Variants in GRIP1 observed in about 807,000 individuals in gnomAD.
The protein encoded by GRIP1 is glutamate receptor interacting protein 1.
Under a neutral mutation model 129.9 loss-of-function variants are expected in GRIP1, and 45 were observed. That is an observed-to-expected ratio of 0.35 (90% CI 0.27 to 0.44). The LOEUF (loss-of-function observed/expected upper bound fraction) is 0.44, where lower values mean the gene tolerates loss of function less well. GRIP1 is among the 20% of genes least tolerant of loss of function. The pLI is 1.00. For missense variants in GRIP1, 1,196 were observed against 1,396.8 expected (o/e 0.86, Z 2.29); for synonymous variants, 530 against 520.8 (o/e 1.02, Z -0.24).
At chr12:66,736,197 G>C (rs937893589) in intron 1 of GRIP1, among the ~76,000 whole-genome samples, 1 of 151,838 alleles carries the variant, frequency 6.6e-6, no homozygotes, top group African/African-American at 2.4e-5. Context: ...ACAGGGTCTT[G>C]CTCTGTTGCC....
At chr12:66,569,593 T>C (rs12313212) in intron 2 of GRIP1, among the ~76,000 whole-genome samples, 2,751 of 152,168 alleles carry the variant, frequency 0.018, 79 homozygotes, top group African/African-American at 0.063. Context: ...TCTGAGCCCA[T>C]AGCCTGGCCC....
upstream of GRIP1, among the ~76,000 whole-genome samples, chr12:66,805,398 T>C (rs937159908): frequency 1.3e-5 from 2 of 152,178 alleles, no homozygotes; most frequent in African/African-American, 4.8e-5. Flanking sequence ...TTTTTCTCTA[T>C]AGCTTCTTTC....
At chr12:66,617,609 G>A (rs2065097952) in intron 1 of GRIP1, among the ~76,000 whole-genome samples, 1 of 152,002 alleles carries the variant, frequency 6.6e-6, no homozygotes, top group Admixed American at 6.6e-5. Flanking sequence ...TGGCCACAGA[G>A]AGACTGGCTT....
chr12:66,695,256 A>G (rs2035116244), intron 1 of GRIP1, among the ~76,000 whole-genome samples: 1 of 147,880 alleles, frequency 6.8e-6, no homozygotes, highest in Non-Finnish European at 1.5e-5. Flanking sequence ...CTGCTGACCC[A>G]GCATGCAATC....
At chr12:66,513,983 G>C (rs915038235) in intron 7 of GRIP1, among the ~76,000 whole-genome samples, 1 of 152,132 alleles carries the variant, frequency 6.6e-6, no homozygotes, top group Non-Finnish European at 1.5e-5. Flanking sequence ...TTCCTTCTAA[G>C]CCTTTGGGTT....
intron 1 of GRIP1, among the ~76,000 whole-genome samples, chr12:66,843,924 A>G (rs1035765504): frequency 7.9e-5 from 12 of 152,176 alleles, no homozygotes; most frequent in Admixed American, 2.6e-4. Context: ...CACCAAAAAC[A>G]TAAGCAATAA....
In GRIP1 at chr12:66,445,372, G is replaced by C. The variant is rs778771382; in HGVS notation, c.1491C>G (p.Leu497=). ...TATAGGAAATCAGAGGTGGAGAAGAGAGAGTTTCTGTGGCAAACACACTGC... is the reference window on the plus strand; with the variant it reads ...TATAGGAAATCAGAGGTGGAGAAGACAGAGTTTCTGTGGCAAACACACTGC... The part of the protein sequence containing the change: ...LQGSVFATET[L]SSPPLISYIE... The change falls in exon 12 of 25, where the codon CTC becomes CTG. Residue 497 remains leucine (L), a synonymous_variant. Transcript: ENST00000359742. 3 of 1,614,220 alleles carry C rather than the reference G, an allele frequency of 1.9e-6. No homozygotes were observed. The highest frequency in any genetic ancestry group is 2.2e-5 in the South Asian group (2 of 91,088).
intron 1 of GRIP1, among the ~76,000 whole-genome samples, chr12:66,832,037 G>C (rs190409572): frequency 2.2e-5 from 3 of 136,616 alleles, no homozygotes; most frequent in African/African-American, 7.5e-5. Flanking sequence ...AAAAATTTTA[G>C]GTTCTGCAAA....
intron 7 of GRIP1, among the ~76,000 whole-genome samples, chr12:66,474,423 AACTT>A (rs2059540614): frequency 6.6e-6 from 1 of 152,174 alleles, no homozygotes; most frequent in South Asian, 2.1e-4. Context: ...TATCCAGTAG[AACTT>A]ACCCAACCTA....
At chr12:66,767,485 CT>C (rs1368522612) in intron 1 of GRIP1, among the ~76,000 whole-genome samples, 5 of 151,582 alleles carry the variant, frequency 3.3e-5, no homozygotes, top group Non-Finnish European at 7.4e-5. Context: ...CACTAGTGTT[CT>C]CTGATACATC....
intron 2 of GRIP1, among the ~76,000 whole-genome samples, chr12:66,542,736 A>G (rs1344204269): frequency 6.6e-6 from 1 of 152,222 alleles, no homozygotes; most frequent in Non-Finnish European, 1.5e-5. Flanking sequence ...AGTAGAGTCA[A>G]TATTTACCTT....
chr12:67,028,417 A>G (rs773769282), intron 1 of GRIP1, among the ~76,000 whole-genome samples: 1 of 152,172 alleles, frequency 6.6e-6, no homozygotes, highest in Non-Finnish European at 1.5e-5. Flanking sequence ...CTTCATGAGC[A>G]TATTTTGGAT....
At chr12:66,882,832 TCTC>T (rs1277462957) in intron 1 of GRIP1, among the ~76,000 whole-genome samples, 2 of 151,860 alleles carry the variant, frequency 1.3e-5, no homozygotes, top group Non-Finnish European at 2.9e-5. Flanking sequence ...AGGATTATTA[TCTC>T]CTCCTCGCAG....
intron 14 of GRIP1, among the ~76,000 whole-genome samples, chr12:66,431,903 T>C (rs2058158467): frequency 2.0e-5 from 3 of 152,184 alleles, no homozygotes; most frequent in Admixed American, 1.3e-4. Context: ...CCACTTTTCT[T>C]TCTGGTTCAG....
At chr12:66,916,529 C>G (rs2041125214) in intron 1 of GRIP1, among the ~76,000 whole-genome samples, 1 of 152,100 alleles carries the variant, frequency 6.6e-6, no homozygotes, top group South Asian at 2.1e-4. Flanking sequence ...AAGTGCCTTT[C>G]ATGTTTAAAA....
chr12:66,957,992 T>C (rs2041867751), intron 1 of GRIP1, among the ~76,000 whole-genome samples: 1 of 152,140 alleles, frequency 6.6e-6, no homozygotes, highest in Admixed American at 6.6e-5. Context: ...TGTATTTTAG[T>C]ACACACTCAT....
chr12:66,492,119 C>T (rs2060119422), intron 7 of GRIP1, among the ~76,000 whole-genome samples: 1 of 151,390 alleles, frequency 6.6e-6, no homozygotes, highest in Admixed American at 6.6e-5. Context: ...TCAACAGCAA[C>T]ATGCAAATGC....
At chr12:66,453,926 T>G (rs2058879037) in intron 11 of GRIP1, among the ~76,000 whole-genome samples, 1 of 152,220 alleles carries the variant, frequency 6.6e-6, no homozygotes, top group African/African-American at 2.4e-5. Flanking sequence ...TAATTTACTC[T>G]AGTGTCAGCT....
chr12:66,415,203 C>T lies in GRIP1; in HGVS notation c.1838+5517G>A, dbSNP rs372719984. On this transcript the variant is annotated intron_variant, in intron 15 of 24. Coordinates refer to ENST00000359742, the MANE Select transcript of GRIP1 (RefSeq NM_001366722.1). ...ATCATCAGAGTGAACAGACAACATA[C>T]AGAATGGCAGGAAATTTTCACAATC... Among the ~76,000 whole-genome samples, 22 of 152,136 alleles carry T rather than the reference C, an allele frequency of 1.4e-4. No individual in the cohort carries two copies. In the East Asian group the frequency reaches 2.7e-3, roughly 19 times the overall value.
Sources: gnomAD v4.1 joint callset for allele counts (sites outside exome capture counted in the v4.1 genomes callset) on GRCh38, gnomAD v4.1.1 for gene constraint, MANE v1.5 for transcripts, NCBI Gene and HGNC (gene_info 2026-07-23, HGNC 2026-07-21) for gene names.